RAB14: variants seen among roughly 807,000 people sequenced by gnomAD.
RAB14 encodes the protein ras-related protein Rab-14.
RAB14 carries 3 observed loss-of-function variants against 31.1 expected under a neutral mutation model. The ratio of observed to expected loss-of-function variants is 0.10; its 90% confidence interval spans 0.04 to 0.25. The LOEUF (loss-of-function observed/expected upper bound fraction) is 0.25, where lower values mean the gene tolerates loss of function less well. Ranked by LOEUF, RAB14 falls within the 10% of genes least tolerant of loss-of-function variation. The pLI is 1.00. For synonymous variants in RAB14, 85 were observed against 84.9 expected, an observed-to-expected ratio of 1.00 and a Z score of 0.00; for missense variants, 111 against 260.1, an observed-to-expected ratio of 0.43 and a Z score of 3.94.
At position 121,193,362 on chromosome 9, in the gene RAB14, A is replaced by G. The variant is rs754079571; in HGVS notation, c.51T>C (p.Ile17=). The G allele has an allele frequency of 3.2e-6, 5 of 1,575,078 alleles. No individual in the cohort carries two copies. Among genetic ancestry groups the G allele is most frequent in the Middle Eastern group, 2.0e-4 (1 of 5,068 alleles). Residue 17 remains isoleucine, a splice_region_variant and synonymous_variant, in exon 2 of 8, where the codon ATT becomes ATC. Transcript: ENST00000373840. The part of the protein sequence containing the change: ...NYSYIFKYII[I]GDMGVGKSCL... The stretch of plus-strand genomic sequence containing the variant: ...AGAGTGTAAGTTAAATAAACTTACC[A>G]ATAATAATATATTTAAAGATGTAAG...
intron 1 of RAB14, among the ~76,000 whole-genome samples, chr9:121,198,146 T>A (rs1485726649): frequency 6.6e-6 from 1 of 152,016 alleles, no homozygotes; most frequent in African/African-American, 2.4e-5. Flanking sequence ...TCTTTATATA[T>A]CCCTGCACTG....
rs879656565 is a variant in RAB14, at chr9:121,178,133, T to C, written c.*3263A>G. ...AATACAGAGCAGCACAGTGCAGTCA[T>C]CCCTCACCACCAAGGTTTTTATTCC... On this transcript the variant is annotated 3_prime_UTR_variant, in exon 8 of 8. Coordinates refer to ENST00000373840, the MANE Select transcript of RAB14 (RefSeq NM_016322.4). 1 of 152,226 alleles carries C rather than the reference T, an allele frequency of 6.6e-6. No homozygotes were observed. The highest frequency in any genetic ancestry group is 1.5e-5 in the Non-Finnish European group (1 of 68,048). The allele number at this position is 152,226 out of a possible 1,614,324, so 9.4% of individuals were successfully genotyped here. A position where few individuals can be genotyped will look rare whatever the true frequency, so the allele number is the denominator to read the frequency against.
In RAB14 at chr9:121,181,110, C is replaced by T. The variant is rs1223791975; in HGVS notation, c.*286G>A. Reference sequence around the variant, plus strand: ...AATCATGAAGTCCAGCATCAGTGCTCGGTTTAAATCATATATTGGTGACAT... The same window carrying T: ...AATCATGAAGTCCAGCATCAGTGCTTGGTTTAAATCATATATTGGTGACAT... On this transcript the variant is annotated 3_prime_UTR_variant, in exon 8 of 8. Transcript: ENST00000373840. The T allele has an allele frequency of 3.9e-6, 1 of 256,316 alleles. No individual in the cohort carries two copies. Among genetic ancestry groups the T allele is most frequent in the Admixed American group, 5.2e-5 (1 of 19,320 alleles). 15.9% of individuals were successfully genotyped at this position (256,316 alleles called of 1,614,324 possible).
At chr9:121,190,448 TCA>T (rs1158848899) in intron 4 of RAB14, 104 bp downstream of exon 4, 8 of 1,010,910 alleles carry the variant, frequency 7.9e-6, no homozygotes, top group Non-Finnish European at 1.1e-5. Context: ...GTAAGTTCAT[TCA>T]CAGTCATACA....
chr9:121,180,938 C>T lies in RAB14; in HGVS notation c.*458G>A, dbSNP rs2053629424. ...CAAAACAAAAGCAGTTATAGAACCC[C>T]TTCTCTACCATCAGAAGTAATTTCA... On this transcript the variant is annotated 3_prime_UTR_variant, in exon 8 of 8. Coordinates refer to ENST00000373840, the MANE Select transcript of RAB14 (RefSeq NM_016322.4). 1.3e-5 allele frequency: 2 copies of T among 153,006 alleles called. No individual in the cohort carries two copies. 9.5% of individuals were successfully genotyped at this position (153,006 alleles called of 1,614,324 possible). A position where few individuals can be genotyped will look rare whatever the true frequency, so the allele number is the denominator to read the frequency against.
Position 121,193,364 on chromosome 9 carries a change from T to A in RAB14, c.49A>T (p.Ile17Phe), listed in dbSNP as rs761820786. ...NYSYIFKYIIIGDMGVGKSCL... is the reference protein window; with the variant it reads ...NYSYIFKYIIFGDMGVGKSCL... ...AGTGTAAGTTAAATAAACTTACCAA[T>A]AATAATATATTTAAAGATGTAAGAG... The change falls in exon 2 of 8, where the codon ATT becomes TTT. Residue 17 changes from isoleucine (I) to phenylalanine (F), a missense_variant. Transcript: ENST00000373840. 6.3e-7 allele frequency: 1 copy of A among 1,575,712 alleles called. No homozygotes were observed. Among genetic ancestry groups the A allele is most frequent in the Non-Finnish European group, 8.6e-7 (1 of 1,158,922 alleles).
chr9:121,189,198 G>T (rs1430126195), intron 4 of RAB14, among the ~76,000 whole-genome samples: 3 of 151,956 alleles, frequency 2.0e-5, no homozygotes. Context: ...TTCATCAGTT[G>T]ATGCATGTTC....
intron 1 of RAB14, among the ~76,000 whole-genome samples, chr9:121,194,366 C>A (rs1323231717): frequency 3.9e-5 from 6 of 152,158 alleles, no homozygotes; most frequent in Admixed American, 3.3e-4. Context: ...TTCAAAAGAT[C>A]ACAGCCCATT....
At chr9:121,186,312 T>C (rs1052292156) in intron 5 of RAB14, among the ~76,000 whole-genome samples, 16 of 152,290 alleles carry the variant, frequency 1.1e-4, no homozygotes, top group Admixed American at 2.0e-4. Flanking sequence ...TCAATCTACT[T>C]TGCAGCACAG....
intron 1 of RAB14, among the ~76,000 whole-genome samples, chr9:121,197,212 C>T (rs914624781): frequency 1.3e-5 from 2 of 152,122 alleles, no homozygotes; most frequent in Admixed American, 6.5e-5. Context: ...GCATAGTAAA[C>T]ACTAACAACT....
At chr9:121,188,758 G>A (rs564893263) in intron 4 of RAB14, among the ~76,000 whole-genome samples, 6 of 151,930 alleles carry the variant, frequency 3.9e-5, no homozygotes, top group Non-Finnish European at 5.9e-5. Flanking sequence ...TCACTTTAGC[G>A]CCTGACTAAA....
intron 4 of RAB14, 45 bp from the exon 5 acceptor site, chr9:121,187,064 GA>G (rs748240673): frequency 8.9e-5 from 106 of 1,192,974 alleles, no homozygotes; most frequent in South Asian, 1.9e-4. Flanking sequence ...TATAATTATA[GA>G]AAAAAAACTT....
chr9:121,199,953 C>T (rs2053747863), intron 1 of RAB14, among the ~76,000 whole-genome samples: 1 of 152,204 alleles, frequency 6.6e-6, no homozygotes, highest in Admixed American at 6.5e-5. Context: ...CCACTATGTG[C>T]CTGGCACTGT....
At chr9:121,183,214 TA>T (rs1416355546) in intron 6 of RAB14, 96 bp downstream of exon 6, 9,354 of 787,806 alleles carry the variant, frequency 0.012, 1 homozygote, top group Admixed American at 0.014. Flanking sequence ...AGTCTGCATT[TA>T]AAAAAAAAAT....
chr9:121,180,102 C>T lies in RAB14; in HGVS notation c.*1294G>A, dbSNP rs569822002. ...ACAAGCGCTGAAACACCTTTAGAAA[C>T]ACTTTCCCTTTTACAAAACAATTTA... On this transcript the variant is annotated 3_prime_UTR_variant, in exon 8 of 8. Coordinates refer to ENST00000373840, the MANE Select transcript of RAB14 (RefSeq NM_016322.4). The T allele has an allele frequency of 1.3e-4, 20 of 152,750 alleles. No individual in the cohort carries two copies. The highest frequency in any genetic ancestry group is 4.3e-4 in the African/African-American group (18 of 41,572). 9.5% of individuals were successfully genotyped at this position (152,750 alleles called of 1,614,324 possible).
chr9:121,188,658 A>C lies in RAB14; in HGVS notation c.285-1639T>G, dbSNP rs138361255. Among the ~76,000 whole-genome samples, 5 of 152,138 alleles carry C rather than the reference A, an allele frequency of 3.3e-5. No individual in the cohort carries two copies. The East Asian group carries it at 9.7e-4, about 29-fold the overall frequency. On this transcript the variant is annotated intron_variant, in intron 4 of 7. Transcript: ENST00000373840. The stretch of plus-strand genomic sequence containing the variant: ...GTAACAATGAGAGTTAATGACAAAA[A>C]TAAAAAGGGACTTTTACGTTTGTAA...
At chr9:121,198,788 G>A (rs2053732906) in intron 1 of RAB14, among the ~76,000 whole-genome samples, 1 of 152,176 alleles carries the variant, frequency 6.6e-6, no homozygotes, top group Non-Finnish European at 1.5e-5. Context: ...ACAGAAGCAT[G>A]CTGACTTGCT....
chr9:121,186,627 C>G (rs1218406862), intron 5 of RAB14, among the ~76,000 whole-genome samples: 1 of 152,062 alleles, frequency 6.6e-6, no homozygotes, highest in Non-Finnish European at 1.5e-5. Context: ...TGCCCAGTAT[C>G]CTCCAATGCT....
chr9:121,200,530 T>C (rs2053757448), intron 1 of RAB14, among the ~76,000 whole-genome samples: 1 of 152,206 alleles, frequency 6.6e-6, no homozygotes, highest in African/African-American at 2.4e-5. Context: ...GCATCTCTCC[T>C]TTGGGGTTTG....
Sources: allele counts gnomAD v4.1 joint callset (sites outside exome capture counted in the v4.1 genomes callset), GRCh38; gene constraint gnomAD v4.1.1; transcripts MANE v1.5; gene names NCBI Gene and HGNC (gene_info 2026-07-23, HGNC 2026-07-21).